The following PDIA5 variants were observed in gnomAD, a reference collection of about 807,000 sequenced individuals.
The protein encoded by PDIA5 is protein disulfide isomerase family A member 5.
A neutral mutation model predicts 77.6 loss-of-function variants in PDIA5; 58 were observed. The ratio of observed to expected loss-of-function variants is 0.75; its 90% CI spans 0.61 to 0.93. The LOEUF (loss-of-function observed/expected upper bound fraction) is 0.93. PDIA5 is among the 40% of genes least tolerant of loss of function. The pLI, the probability that PDIA5 is intolerant of heterozygous loss-of-function variation, is 0.00. For synonymous variants in PDIA5, 250 were observed against 252.1 expected (o/e 0.99, Z 0.08); for missense variants, 630 against 647.7 (o/e 0.97, Z 0.30).
At chr3:123,134,409 C>T (rs1230203952) in intron 11 of PDIA5, among the ~76,000 whole-genome samples, 1 of 152,146 alleles carries the variant, frequency 6.6e-6, no homozygotes, top group Non-Finnish European at 1.5e-5. Flanking sequence ...AAGGCACTTG[C>T]TTCTCTGCCT....
chr3:123,151,935 T>G (rs1225820045), intron 14 of PDIA5, among the ~76,000 whole-genome samples: 81 of 126,544 alleles, frequency 6.4e-4, no homozygotes, highest in Admixed American at 1.0e-3. Flanking sequence ...CTTCCTGCCT[T>G]CCTTCCTGCC....
intron 8 of PDIA5, among the ~76,000 whole-genome samples, chr3:123,123,001 A>G (rs1162352884): frequency 6.6e-6 from 1 of 152,212 alleles, no homozygotes; most frequent in South Asian, 2.1e-4. Context: ...CTGGCTGGGC[A>G]TGCTGGCTCA....
At chr3:123,073,109 A>G (rs1576430172) in intron 1 of PDIA5, among the ~76,000 whole-genome samples, 1 of 152,160 alleles carries the variant, frequency 6.6e-6, no homozygotes, top group Non-Finnish European at 1.5e-5. Context: ...AGAATTGTCA[A>G]ATCGGATGCA....
At chr3:123,085,591 C>T (rs1025855540) in intron 1 of PDIA5, among the ~76,000 whole-genome samples, 4 of 152,102 alleles carry the variant, frequency 2.6e-5, no homozygotes, top group African/African-American at 9.7e-5. Flanking sequence ...GAGCCTCAGC[C>T]TCTAGTGGTT....
intron 15 of PDIA5, among the ~76,000 whole-genome samples, chr3:123,156,870 A>T (rs1376326299): frequency 6.6e-6 from 1 of 152,176 alleles, no homozygotes; most frequent in Non-Finnish European, 1.5e-5. Flanking sequence ...ACCGCCGCTG[A>T]GGCTGTCCTG....
chr3:123,097,394 T>C (rs889621916), intron 3 of PDIA5, among the ~76,000 whole-genome samples: 2 of 152,002 alleles, frequency 1.3e-5, no homozygotes, highest in Non-Finnish European at 2.9e-5. Context: ...TGTTCCTCTC[T>C]CTTTTTCCCG....
At chr3:123,157,505 C>T (rs1936047515) in intron 15 of PDIA5, among the ~76,000 whole-genome samples, 1 of 152,140 alleles carries the variant, frequency 6.6e-6, no homozygotes, top group African/African-American at 2.4e-5. Context: ...GAATGCCCAG[C>T]GGGTCACTGA....
intron 6 of PDIA5, 44 bp from the exon 7 acceptor site, chr3:123,110,900 C>T (rs1378808070): frequency 1.3e-6 from 2 of 1,505,264 alleles, no homozygotes; most frequent in South Asian, 1.1e-5. Flanking sequence ...CATCCTGTTA[C>T]TGTGTTGTGT....
At chr3:123,141,146 C>G (rs777187182) in intron 11 of PDIA5, among the ~76,000 whole-genome samples, 3 of 152,236 alleles carry the variant, frequency 2.0e-5, no homozygotes, top group Non-Finnish European at 4.4e-5. Context: ...TAGAAAGCAA[C>G]AGTGATTCTC....
intron 3 of PDIA5, among the ~76,000 whole-genome samples, chr3:123,095,893 T>C (rs1033389233): frequency 1.3e-5 from 2 of 152,228 alleles, no homozygotes; most frequent in Admixed American, 6.5e-5. Context: ...TGGGCTTCAA[T>C]TGAATCTTCT....
rs56713385 is a variant in PDIA5, at chr3:123,146,369, G to A, written c.1142+110G>A. The A allele has an allele frequency of 1.0e-3, 934 of 900,900 alleles. 4 individuals carry two copies. In the African/African-American group the frequency reaches 0.014, roughly 14 times the overall value. 55.8% of individuals were successfully genotyped at this position (900,900 alleles called of 1,614,324 possible). A position where few individuals can be genotyped will look rare whatever the true frequency, so the allele number is the denominator to read the frequency against. ...TGGTCAATGTCCTGGGCTCATGCCC[G>A]TAGGAGTCAAGACGGATCTGACTTC... On this transcript the variant is annotated intron_variant, in intron 13 of 16. Coordinates refer to ENST00000316218, the MANE Select transcript of PDIA5 (RefSeq NM_006810.4).
intron 15 of PDIA5, among the ~76,000 whole-genome samples, chr3:123,160,256 G>A (rs1417328718): frequency 1.3e-5 from 2 of 152,124 alleles, no homozygotes; most frequent in African/African-American, 4.8e-5. Context: ...CCCCTTCTCG[G>A]GCTTCCCTGG....
intron 1 of PDIA5, among the ~76,000 whole-genome samples, chr3:123,083,216 G>A (rs1325976625): frequency 1.3e-5 from 2 of 150,682 alleles, no homozygotes; most frequent in Non-Finnish European, 3.0e-5. Flanking sequence ...TCGGGGTGGG[G>A]GAGGGGGGGT....
chr3:123,086,873 A>G lies in PDIA5; in HGVS notation c.43-2295A>G, dbSNP rs569071217. On this transcript the variant is annotated intron_variant, in intron 1 of 16. Transcript: ENST00000316218. ...CTGATATTTTCATCTGTTCAAGTCT[A>G]TTTTCATGATTGGTAGTTTGGCTGG... is the stretch of plus-strand genomic sequence containing the variant. 3.3e-5 allele frequency among the ~76,000 whole-genome samples: 5 copies of G among 152,264 alleles called. No homozygotes were observed. In the South Asian group the frequency reaches 6.2e-4, roughly 19 times the overall value.
At chr3:123,151,035 T>C (rs1935881681) in intron 14 of PDIA5, among the ~76,000 whole-genome samples, 1 of 152,212 alleles carries the variant, frequency 6.6e-6, no homozygotes, top group Non-Finnish European at 1.5e-5. Context: ...TAATAAAAGC[T>C]GCAGTCTACA....
At chr3:123,146,397 C>T (rs529540932) in intron 13 of PDIA5, 138 bp downstream of exon 13, 2 of 709,602 alleles carry the variant, frequency 2.8e-6, no homozygotes, top group East Asian at 2.6e-5. Context: ...CTGACTTCCT[C>T]AACCCTAAAA....
intron 1 of PDIA5, among the ~76,000 whole-genome samples, chr3:123,086,288 C>A (rs1411989285): frequency 6.6e-6 from 1 of 152,116 alleles, no homozygotes; most frequent in Non-Finnish European, 1.5e-5. Context: ...CATATCAATC[C>A]CACGAGGGAA....
chr3:123,140,550 C>T (rs1165321301), intron 11 of PDIA5, among the ~76,000 whole-genome samples: 1 of 152,030 alleles, frequency 6.6e-6, no homozygotes, highest in Non-Finnish European at 1.5e-5. Flanking sequence ...AAGCAGGGGC[C>T]AGAACAAAGG....
chr3:123,072,986 A>ACGGGAGAGGGAAGGAG (rs1297910423), intron 1 of PDIA5, among the ~76,000 whole-genome samples: 1 of 149,526 alleles, frequency 6.7e-6, no homozygotes, highest in African/African-American at 2.5e-5. Flanking sequence ...TTAGGTCCCA[A>ACGGGAGAGGGAAGGAG]CGGGAGAGGG....
Sources: gnomAD v4.1 joint callset for allele counts (sites outside exome capture counted in the v4.1 genomes callset) on GRCh38, gnomAD v4.1.1 for gene constraint, MANE v1.5 for transcripts, NCBI Gene and HGNC (gene_info 2026-07-23, HGNC 2026-07-21) for gene names.